CDC5L: variants seen among roughly 807,000 people sequenced by gnomAD.
CDC5L encodes the protein cell division cycle 5 like.
A neutral mutation model predicts 104.1 loss-of-function variants in CDC5L; 18 were observed. The ratio of observed to expected loss-of-function variants is 0.17; its 90% CI spans 0.12 to 0.26. The LOEUF (loss-of-function observed/expected upper bound fraction) is 0.26. Among genes scored for constraint, CDC5L ranks in the 10% least tolerant of loss-of-function variants. The pLI is 1.00. For synonymous variants in CDC5L, 331 were observed against 322.7 expected, an observed-to-expected ratio of 1.03 and a Z score of -0.28; for missense variants, 673 against 956.9, an observed-to-expected ratio of 0.70 and a Z score of 3.91.
At chr6:44,406,776 G>T (rs1214273854) in intron 7 of CDC5L, among the ~76,000 whole-genome samples, 1 of 152,120 alleles carries the variant, frequency 6.6e-6, no homozygotes, top group Non-Finnish European at 1.5e-5. Flanking sequence ...TAGGCGGGAT[G>T]GTGGCACACA....
At chr6:44,443,836 TG>T (rs1195656747) in intron 14 of CDC5L, among the ~76,000 whole-genome samples, 1 of 151,824 alleles carries the variant, frequency 6.6e-6, no homozygotes, top group Non-Finnish European at 1.5e-5. Context: ...TGGTTTCTGT[TG>T]ATTTATTTTG....
chr6:44,444,777 T>G (rs1446545739), intron 14 of CDC5L, among the ~76,000 whole-genome samples: 1 of 152,102 alleles, frequency 6.6e-6, no homozygotes, highest in Non-Finnish European at 1.5e-5. Flanking sequence ...CATTACCACA[T>G]CTAGGAGATT....
At position 44,402,410 on chromosome 6, in the gene CDC5L, C is replaced by T. The variant is rs539966098; in HGVS notation, c.540-1399C>T. On this transcript the variant is annotated intron_variant, in intron 5 of 15. Transcript: ENST00000371477. Reference sequence around the variant, plus strand: ...TCTTGATTTAATGTTTATATATTTGCTGTATCTGCTTCAGATCCTCTTCAG... The same window carrying T: ...TCTTGATTTAATGTTTATATATTTGTTGTATCTGCTTCAGATCCTCTTCAG... 1.1e-4 allele frequency among the ~76,000 whole-genome samples: 17 copies of T among 152,272 alleles called. No homozygotes were observed. In the South Asian group the frequency reaches 3.3e-3, roughly 30 times the overall value.
Position 44,426,206 on chromosome 6 carries a change from T to A in CDC5L, c.1650+23T>A, listed in dbSNP as rs562410856. ...GAAGTAAGTGTTAGAATTTCTGGTT[T>A]AGGAAGTTTTAAGTTTCTTTTTATA... On this transcript the variant is annotated intron_variant, in intron 12 of 15. Transcript: ENST00000371477. The A allele has an allele frequency of 2.6e-6, 4 of 1,538,824 alleles. No individual in the cohort carries two copies. The African/African-American group carries it at 5.5e-5, about 21-fold the overall frequency.
intron 8 of CDC5L, among the ~76,000 whole-genome samples, chr6:44,415,498 G>T (rs955363567): frequency 3.9e-5 from 6 of 152,156 alleles, no homozygotes; most frequent in African/African-American, 1.4e-4. Context: ...GGGCTTGTGT[G>T]GCACTCCCTG....
intron 13 of CDC5L, among the ~76,000 whole-genome samples, chr6:44,427,856 T>C (rs1792497266): frequency 1.3e-5 from 2 of 152,336 alleles, no homozygotes; most frequent in South Asian, 4.1e-4. Flanking sequence ...TTTTCCTAAA[T>C]TGTATGTATG....
At chr6:44,440,953 CCA>C (rs1172854284) in intron 14 of CDC5L, among the ~76,000 whole-genome samples, 1 of 152,166 alleles carries the variant, frequency 6.6e-6, no homozygotes, top group Non-Finnish European at 1.5e-5. Flanking sequence ...AGTGATCCAT[CCA>C]CCTCAGCCTC....
intron 6 of CDC5L, among the ~76,000 whole-genome samples, chr6:44,404,922 G>A (rs746095242): frequency 6.6e-6 from 1 of 152,026 alleles, no homozygotes; most frequent in African/African-American, 2.4e-5. Flanking sequence ...TGAACTCCTA[G>A]GCTCAAGCTA....
chr6:44,411,697 T>C (rs2153378829), intron 8 of CDC5L, among the ~76,000 whole-genome samples: 1 of 151,636 alleles, frequency 6.6e-6, no homozygotes, highest in South Asian at 2.1e-4. Flanking sequence ...TCACTCTTTT[T>C]CTTCTCATTT....
chr6:44,441,514 C>T (rs72867812), intron 14 of CDC5L, among the ~76,000 whole-genome samples: 12,133 of 152,200 alleles, frequency 0.08, 684 homozygotes, highest in Admixed American at 0.19. Flanking sequence ...ATTCTGTTTT[C>T]AGTTTTTTGA....
intron 2 of CDC5L, among the ~76,000 whole-genome samples, chr6:44,391,337 C>G (rs1041006692): frequency 1.3e-5 from 2 of 152,070 alleles, no homozygotes; most frequent in African/African-American, 4.8e-5. Context: ...CAAGCTTTGC[C>G]TCCCGGGTTC....
chr6:44,431,950 T>C (rs981509402), intron 14 of CDC5L, among the ~76,000 whole-genome samples: 1 of 152,216 alleles, frequency 6.6e-6, no homozygotes, highest in Admixed American at 6.5e-5. Flanking sequence ...TCATTTTTCT[T>C]TTCTTGACTC....
intron 14 of CDC5L, among the ~76,000 whole-genome samples, chr6:44,441,750 G>T (rs367956023): frequency 1.3e-5 from 2 of 151,924 alleles, no homozygotes; most frequent in Non-Finnish European, 2.9e-5. Context: ...TTGACCACTT[G>T]TATGTCGTCT....
At position 44,403,953 on chromosome 6, in the gene CDC5L, T is replaced by C. The variant is rs11571943; in HGVS notation, c.684T>C (p.Ser228=). The change falls in exon 6 of 16, where the codon TCT becomes TCC. Residue 228 remains serine, a synonymous_variant. Transcript: ENST00000371477. ...CTGCCCTTGGTTTTTATGATACTTC[T>C]GAGGAAAACTACCAAGCTCTTGACG... ...KKPALGFYDT[S]EENYQALDAD... is the part of the protein sequence containing the mutation. 0.023 allele frequency: 37,647 copies of C among 1,613,854 alleles called. 577 individuals are homozygous for C. Among genetic ancestry groups the C allele is most frequent in the Middle Eastern group, 0.066 (402 of 6,060 alleles).
chr6:44,405,440 A>T (rs1355332030), intron 6 of CDC5L, among the ~76,000 whole-genome samples: 1 of 152,212 alleles, frequency 6.6e-6, no homozygotes, highest in African/African-American at 2.4e-5. Flanking sequence ...GACACACAGA[A>T]GGGGAGGAGG....
At chr6:44,441,901 C>G (rs1323196684) in intron 14 of CDC5L, among the ~76,000 whole-genome samples, 1 of 148,256 alleles carries the variant, frequency 6.7e-6, no homozygotes, top group South Asian at 2.1e-4. Flanking sequence ...TGGCTCACAC[C>G]TGTAATCCCA....
Position 44,424,777 on chromosome 6 carries a change from G to A in CDC5L, c.1569+194G>A, listed in dbSNP as rs864127. Among the ~76,000 whole-genome samples the A allele has an allele frequency of 0.25, 37,352 of 152,014 alleles. 5,811 individuals are homozygous for A. The highest frequency in any genetic ancestry group is 0.7 in the East Asian group (3,638 of 5,174). On this transcript the variant is annotated intron_variant, in intron 11 of 15. Transcript: ENST00000371477. ...TAACATACTCACAATATTTTGATGA[G>A]CATTCTTAAAAATATATATATGGAA...
At chr6:44,389,645 C>G (rs1037714540) in intron 1 of CDC5L, among the ~76,000 whole-genome samples, 5 of 151,926 alleles carry the variant, frequency 3.3e-5, no homozygotes, top group Non-Finnish European at 7.4e-5. Context: ...ATATGTAATT[C>G]TTAGGTTAGA....
chr6:44,412,715 T>A (rs1353581917), intron 8 of CDC5L, among the ~76,000 whole-genome samples: 1 of 151,938 alleles, frequency 6.6e-6, no homozygotes, highest in African/African-American at 2.4e-5. Context: ...TCTTACAGAA[T>A]TCACCCATTT....
Sources: gnomAD v4.1 joint callset for allele counts (sites outside exome capture counted in the v4.1 genomes callset) on GRCh38, gnomAD v4.1.1 for gene constraint, MANE v1.5 for transcripts, NCBI Gene and HGNC (gene_info 2026-07-23, HGNC 2026-07-21) for gene names.